CLCN4: variants seen among roughly 807,000 people sequenced by gnomAD.
CLCN4 encodes the protein H(+)/Cl(-) exchange transporter 4.
A neutral mutation model predicts 41.7 loss-of-function variants in CLCN4; 1 was observed. The observed-to-expected ratio is 0.02, with a 90% CI of 0.01 to 0.11. CLCN4 has a LOEUF of 0.11. Among genes scored for constraint, CLCN4 ranks in the 10% least tolerant of loss-of-function variants. The pLI is 1.00. For missense variants in CLCN4, 287 were observed against 661.0 expected (o/e 0.43, Z 6.20); for synonymous variants, 277 against 285.8 (o/e 0.97, Z 0.31).
chrX:10,195,246 TC>T, intron 5 of CLCN4, 148 bp downstream of exon 5: 1 of 522,346 alleles, frequency 1.9e-6, no homozygotes, highest in Non-Finnish European at 3.1e-6. Context: ...ACGGGCTTTT[TC>T]CAGCTCTAAT....
chrX:10,209,252 C>T (rs1233650382), intron 9 of CLCN4, among the ~76,000 whole-genome samples: 1 of 104,289 alleles, frequency 9.6e-6, no homozygotes, highest in African/African-American at 3.6e-5. Flanking sequence ...GATGACAGCA[C>T]ATGCTTTCTT....
intron 8 of CLCN4, among the ~76,000 whole-genome samples, chrX:10,207,278 T>A (rs974469809): frequency 2.2e-4 from 25 of 112,907 alleles, no homozygotes; most frequent in African/African-American, 7.1e-4. Context: ...GGTGATTTTT[T>A]AAAAAGATTT....
intron 4 of CLCN4, among the ~76,000 whole-genome samples, chrX:10,192,649 C>T (rs927861840): frequency 9.0e-6 from 1 of 111,670 alleles, no homozygotes; most frequent in African/African-American, 3.3e-5. Context: ...GTAACCATGG[C>T]AGGGCTTTCC....
At position 10,215,471 on chromosome X, in the gene CLCN4, CTTA is replaced by C. The variant is rs201071829; in HGVS notation, c.1975+1397_1975+1399del. On this transcript the variant is annotated intron_variant, in intron 11 of 12. Transcript: ENST00000380833. The stretch of plus-strand genomic sequence containing the variant: ...GCTTAAGTGTTCGGCGATGCTTCTC[CTTA>C]TTATAGGTCCTGTTGCTTAACGGGT... 6.9e-3 allele frequency among the ~76,000 whole-genome samples: 776 copies of C among 111,867 alleles called. 8 individuals are homozygous for C. Among genetic ancestry groups the C allele is most frequent in the African/African-American group, 0.023 (720 of 30,752 alleles).
chrX:10,230,791 A>G (rs184277716), intron 12 of CLCN4, among the ~76,000 whole-genome samples: 161 of 112,254 alleles, frequency 1.4e-3, no homozygotes, highest in Non-Finnish European at 2.6e-3. Context: ...CCTATTGTCA[A>G]TATCTTGCAT....
chrX:10,212,730 G>A, intron 10 of CLCN4, 77 bp downstream of exon 10: 1 of 943,903 alleles, frequency 1.1e-6, no homozygotes, highest in East Asian at 3.3e-5. Context: ...GGAAGACATG[G>A]ACTTGAACAT....
At chrX:10,164,292 C>A (rs1450085593) in intron 2 of CLCN4, among the ~76,000 whole-genome samples, 1 of 111,219 alleles carries the variant, frequency 9.0e-6, no homozygotes, top group Non-Finnish European at 1.9e-5. Context: ...GAAGCGTTTG[C>A]GGAAAGCAGG....
intron 4 of CLCN4, among the ~76,000 whole-genome samples, chrX:10,193,994 A>G (rs1305103255): frequency 1.8e-5 from 2 of 108,393 alleles, no homozygotes; most frequent in African/African-American, 6.7e-5. Context: ...TGCTGATGGC[A>G]AGGAGAGGAA....
chrX:10,215,960 G>GGAATCA (rs1038949869), intron 11 of CLCN4, among the ~76,000 whole-genome samples: 2 of 112,024 alleles, frequency 1.8e-5, no homozygotes, highest in Non-Finnish European at 3.8e-5. Flanking sequence ...TTTGCTCTGA[G>GGAATCA]GAATCAGAAA....
At chrX:10,167,720 C>G (rs1376914425) in intron 2 of CLCN4, among the ~76,000 whole-genome samples, 4 of 112,910 alleles carry the variant, frequency 3.5e-5, no homozygotes, top group Non-Finnish European at 7.5e-5. Flanking sequence ...TTTCAGATGA[C>G]AGCAGCCCTG....
At chrX:10,212,222 C>T (rs1305458927) in intron 9 of CLCN4, among the ~76,000 whole-genome samples, 1 of 112,140 alleles carries the variant, frequency 8.9e-6, no homozygotes, top group Non-Finnish European at 1.9e-5. Flanking sequence ...ACCCAGCCAG[C>T]TTTTGAAGGA....
chrX:10,162,111 T>G (rs111832331), intron 2 of CLCN4, among the ~76,000 whole-genome samples: 13 of 104,658 alleles, frequency 1.2e-4, no homozygotes, highest in South Asian at 4.7e-4. Context: ...CTCCGCCTCC[T>G]GGGTTCAAGC....
In CLCN4 at chrX:10,233,658, C is replaced by G; in HGVS notation, c.*74C>G. The G allele has an allele frequency of 1.2e-6, 1 of 864,136 alleles. No homozygotes were observed. The highest frequency in any genetic ancestry group is 3.2e-5 in the East Asian group (1 of 31,651). The allele number at this position is 864,136 out of a possible 1,213,427, so 71.2% of individuals were successfully genotyped here. A position where few individuals can be genotyped will look rare whatever the true frequency, so the allele number is the denominator to read the frequency against. On this transcript the variant is annotated 3_prime_UTR_variant, in exon 13 of 13. Transcript: ENST00000380833. The stretch of plus-strand genomic sequence containing the variant: ...AAAGAAATAAATGATATGTTATTAT[C>G]CCAATGAAAGATCATGCATTGGGGA...
chrX:10,210,397 C>T (rs755275486), intron 9 of CLCN4, among the ~76,000 whole-genome samples: 2 of 111,615 alleles, frequency 1.8e-5, no homozygotes, highest in Non-Finnish European at 3.8e-5. Context: ...GTAACCAGCA[C>T]CCAGGACCAG....
intron 2 of CLCN4, among the ~76,000 whole-genome samples, chrX:10,179,446 A>G (rs1208134961): frequency 9.0e-6 from 1 of 111,600 alleles, no homozygotes; most frequent in African/African-American, 3.3e-5. Context: ...AAACAGTCTA[A>G]ACAGTCTCCT....
intron 9 of CLCN4, among the ~76,000 whole-genome samples, chrX:10,209,964 T>C (rs1924502014): frequency 9.0e-6 from 1 of 110,764 alleles, no homozygotes; most frequent in Admixed American, 9.6e-5. Flanking sequence ...AACATTTTCA[T>C]CCCCCAAACG....
At chrX:10,165,201 C>A (rs1364169264) in intron 2 of CLCN4, among the ~76,000 whole-genome samples, 1 of 113,240 alleles carries the variant, frequency 8.8e-6, no homozygotes, top group African/African-American at 3.2e-5. Context: ...ACTGGCTATT[C>A]CCTCAGCCCT....
intron 12 of CLCN4, among the ~76,000 whole-genome samples, chrX:10,226,625 T>A (rs915712022): frequency 1.8e-5 from 2 of 110,673 alleles, no homozygotes; most frequent in East Asian, 2.8e-4. Flanking sequence ...GTTGTTTTTT[T>A]GAAAAAATTA....
At chrX:10,177,603 G>A (rs1228799004) in intron 2 of CLCN4, among the ~76,000 whole-genome samples, 1 of 111,591 alleles carries the variant, frequency 9.0e-6, no homozygotes, top group African/African-American at 3.3e-5. Flanking sequence ...CTCCATACAT[G>A]GGTGAGTTCC....
Sources: allele counts gnomAD v4.1 joint callset (sites outside exome capture counted in the v4.1 genomes callset), GRCh38; gene constraint gnomAD v4.1.1; transcripts MANE v1.5; gene names NCBI Gene and HGNC (gene_info 2026-07-23, HGNC 2026-07-21).